Variants in ABI3BP observed in about 807,000 individuals in gnomAD.
ABI3BP encodes the protein target of Nesh-SH3.
ABI3BP carries 216 observed loss-of-function variants against 268.6 expected under a neutral mutation model. The observed-to-expected ratio is 0.80, with a 90% CI of 0.72 to 0.90. The LOEUF (loss-of-function observed/expected upper bound fraction) is 0.90, where lower values mean the gene tolerates loss of function less well. Ranked by LOEUF, ABI3BP falls within the 40% of genes least tolerant of loss-of-function variation. The pLI is 0.00. For synonymous variants in ABI3BP, 730 were observed against 730.0 expected, an observed-to-expected ratio of 1.00 and a Z score of 0.00; for missense variants, 2,090 against 2,182.4, an observed-to-expected ratio of 0.96 and a Z score of 0.84.
intron 12 of ABI3BP, 159 bp downstream of exon 12, chr3:100,863,843 T>C: frequency 3.5e-6 from 2 of 566,052 alleles, no homozygotes; most frequent in Non-Finnish European, 6.2e-6. Context: ...AACCAAACAA[T>C]TTGTCATAGG....
At chr3:100,906,695 T>C (rs1375557239) in intron 2 of ABI3BP, among the ~76,000 whole-genome samples, 2 of 152,230 alleles carry the variant, frequency 1.3e-5, no homozygotes, top group African/African-American at 4.8e-5. Context: ...CTAATTTGCT[T>C]AATATTTTGA....
intron 61 of ABI3BP, among the ~76,000 whole-genome samples, chr3:100,772,712 A>G (rs1390529776): frequency 2.0e-5 from 3 of 152,240 alleles, no homozygotes; most frequent in African/African-American, 7.2e-5. Context: ...AAAAATAGAA[A>G]GCAAATAGCA....
At chr3:100,908,836 A>T (rs2054826104) in intron 2 of ABI3BP, among the ~76,000 whole-genome samples, 1 of 152,214 alleles carries the variant, frequency 6.6e-6, no homozygotes, top group Non-Finnish European at 1.5e-5. Context: ...TACTGCTCAA[A>T]GTAATTTATA....
intron 37 of ABI3BP, 113 bp from the exon 38 acceptor site, chr3:100,822,785 CGA>C: frequency 1.1e-6 from 1 of 883,952 alleles, no homozygotes. Flanking sequence ...CCTTTTAGTT[CGA>C]GATTTTTGTC....
At chr3:100,753,087 G>A (rs2095423756) in intron 65 of ABI3BP, 139 bp from the exon 66 acceptor site, 1 of 700,646 alleles carries the variant, frequency 1.4e-6, no homozygotes, top group East Asian at 2.7e-5. Flanking sequence ...ATATTAGAGG[G>A]ATTTAAACAA....
At position 100,892,786 on chromosome 3, in the gene ABI3BP, G is replaced by C. The variant is rs72928356; in HGVS notation, c.461+5976C>G. ...GAGAAGCACTGTTGTGCATAGAGGG[G>C]ATTGTTAAAGACTAGACATAGATAA... On this transcript the variant is annotated intron_variant, in intron 4 of 67. Transcript: ENST00000471714. 2.0e-3 allele frequency among the ~76,000 whole-genome samples: 308 copies of C among 152,296 alleles called. 1 individual carries two copies. Among genetic ancestry groups the C allele is most frequent in the African/African-American group, 7.0e-3 (289 of 41,576 alleles).
At chr3:100,990,070 C>T (rs1244237575) in intron 1 of ABI3BP, among the ~76,000 whole-genome samples, 6 of 152,168 alleles carry the variant, frequency 3.9e-5, no homozygotes, top group Admixed American at 6.6e-5. Context: ...GGCTAGAATG[C>T]GGTAGAAGCC....
chr3:100,884,093 A>C (rs550184050), intron 6 of ABI3BP, among the ~76,000 whole-genome samples: 2 of 152,118 alleles, frequency 1.3e-5, no homozygotes, highest in African/African-American at 4.8e-5. Flanking sequence ...TTAGAAAACA[A>C]AAGATGTTCT....
intron 2 of ABI3BP, among the ~76,000 whole-genome samples, chr3:100,922,450 G>A (rs990300452): frequency 2.6e-5 from 4 of 152,108 alleles, no homozygotes; most frequent in Admixed American, 2.6e-4. Context: ...TTATCCAGAT[G>A]AGCTTACTAC....
intron 29 of ABI3BP, among the ~76,000 whole-genome samples, chr3:100,833,794 G>T (rs1402281227): frequency 6.6e-6 from 1 of 152,156 alleles, no homozygotes; most frequent in Non-Finnish European, 1.5e-5. Context: ...TCAGGCATTC[G>T]AAGTGCTCTT....
In ABI3BP at chr3:100,811,230, C is replaced by T. The variant is rs2097854731; in HGVS notation, c.3541G>A (p.Glu1181Lys). 2.6e-6 allele frequency: 4 copies of T among 1,533,286 alleles called. No individual in the cohort carries two copies. In the East Asian group the frequency reaches 7.3e-5, roughly 28 times the overall value. The allele number at this position is 1,533,286 out of a possible 1,614,324, so 95.0% of individuals were successfully genotyped here. ...YVSEPPETTLETSPLPSQSIT... is the reference protein window; with the variant it reads ...YVSEPPETTLKTSPLPSQSIT... Reference sequence around the variant, plus strand: ...AGGGTTGGGCTACCGAGGTTATTACCTAGTGTGGTCTCAGGTGGTTCAGAT... The same window carrying T: ...AGGGTTGGGCTACCGAGGTTATTACTTAGTGTGGTCTCAGGTGGTTCAGAT... Residue 1181 changes from glutamate to lysine, a missense_variant and splice_region_variant, in exon 48 of 68, where the codon GAA becomes AAA. Coordinates refer to ENST00000471714, the MANE Select transcript of ABI3BP (RefSeq NM_001375547.2).
intron 49 of ABI3BP, 101 bp downstream of exon 49, chr3:100,810,311 G>T: frequency 1.0e-6 from 1 of 978,090 alleles, no homozygotes; most frequent in Non-Finnish European, 1.5e-6. Flanking sequence ...CAAAGTCTGT[G>T]GGCAGAATGA....
At chr3:100,808,354 G>A in intron 49 of ABI3BP, 119 bp from the exon 50 acceptor site, 1 of 642,102 alleles carries the variant, frequency 1.6e-6, no homozygotes, top group African/African-American at 1.9e-5. Flanking sequence ...CAACAATGAA[G>A]GCTTCTAAAG....
chr3:100,926,195 C>G (rs2153639389), intron 2 of ABI3BP, 107 bp downstream of exon 2: 2 of 1,166,316 alleles, frequency 1.7e-6, no homozygotes, highest in East Asian at 4.9e-5. Flanking sequence ...TTTGATTAAG[C>G]TAAGGATGTA....
At chr3:100,862,762 T>A (rs1211340576) in intron 13 of ABI3BP, 76 bp downstream of exon 13, 2 of 979,922 alleles carry the variant, frequency 2.0e-6, no homozygotes, top group Non-Finnish European at 3.0e-6. Context: ...AGAAATAAGA[T>A]GCAGTAAATG....
chr3:100,876,394 C>A, intron 7 of ABI3BP, 118 bp downstream of exon 7: 1 of 979,314 alleles, frequency 1.0e-6, no homozygotes, highest in South Asian at 1.7e-5. Flanking sequence ...TTTCTTTGAA[C>A]TTTTTCTCAA....
chr3:100,866,950 T>A lies in ABI3BP; in HGVS notation c.917A>T (p.Asn306Ile). Reference protein sequence around the residue: ...SDALKTQLAKNETLALPAESK... With the variant: ...SDALKTQLAKIETLALPAESK... ...TTCGGCAGGTAATGCCAAGGTTTCA[T>A]TCTTAGCTAAAAAGTCAGAGAACAA... The change falls in exon 10 of 68, where the codon AAT becomes ATT. Residue 306 changes from asparagine to isoleucine, a missense_variant. Coordinates refer to ENST00000471714, the MANE Select transcript of ABI3BP (RefSeq NM_001375547.2). 6.2e-7 allele frequency: 1 copy of A among 1,613,738 alleles called. No individual in the cohort carries two copies. The highest frequency in any genetic ancestry group is 8.5e-7 in the Non-Finnish European group (1 of 1,179,728).
intron 57 of ABI3BP, among the ~76,000 whole-genome samples, chr3:100,787,500 T>A (rs941904763): frequency 2.0e-5 from 3 of 152,174 alleles, no homozygotes; most frequent in Non-Finnish European, 4.4e-5. Context: ...CAAGATTATA[T>A]ATAGTAACTA....
At position 100,823,457 on chromosome 3, in the gene ABI3BP, C is replaced by T; in HGVS notation, c.2803+1G>A. On this transcript the variant is annotated splice_donor_variant, in intron 37 of 67. Coordinates refer to ENST00000471714, the MANE Select transcript of ABI3BP (RefSeq NM_001375547.2). LOFTEE classifies it high-confidence loss of function. ...TGTCGAAAACACTGTATCAACGTTA[C>T]CTAATGTTGTTGAGGCCTCAGGTCT... 6.5e-7 allele frequency: 1 copy of T among 1,533,080 alleles called. No homozygotes were observed. Among genetic ancestry groups the T allele is most frequent in the South Asian group, 1.2e-5 (1 of 83,442 alleles). 95.0% of individuals were successfully genotyped at this position (1,533,080 alleles called of 1,614,324 possible). A position where few individuals can be genotyped will look rare whatever the true frequency, so the allele number is the denominator to read the frequency against.
Sources: gnomAD v4.1 joint callset for allele counts (sites outside exome capture counted in the v4.1 genomes callset) on GRCh38, gnomAD v4.1.1 for gene constraint, MANE v1.5 for transcripts, NCBI Gene and HGNC (gene_info 2026-07-23, HGNC 2026-07-21) for gene names.